Variants in METTL22 observed in about 807,000 individuals in gnomAD.
METTL22 encodes the protein methyltransferase 22, Kin17 lysine, also known as methyltransferase-like protein 22.
METTL22 carries 51 observed loss-of-function variants against 48.4 expected under a neutral mutation model. The observed-to-expected ratio is 1.05, with a 90% CI of 0.84 to 1.33. METTL22 has a LOEUF of 1.33. METTL22 is among the 40% of genes most tolerant of loss of function. The pLI, the probability that METTL22 is intolerant of heterozygous loss-of-function variation, is 0.00. For synonymous variants in METTL22, 255 were observed against 214.1 expected, an observed-to-expected ratio of 1.19 and a Z score of -1.67; for missense variants, 678 against 526.9, an observed-to-expected ratio of 1.29 and a Z score of -2.81.
intron 7 of METTL22, chr16:8,641,782 G>T (rs1043237658): frequency 2.2e-6 from 1 of 445,104 alleles, no homozygotes. Flanking sequence ...CCCTTTCTGT[G>T]AGTGCAAAAC....
chr16:8,660,519 G>T, the METTL22 span, among the ~76,000 whole-genome samples: 1 of 151,872 alleles, frequency 6.6e-6, no homozygotes, highest in African/African-American at 2.4e-5. Context: ...CTACTTCCTA[G>T]AAGAATCCCT....
chr16:8,656,076 G>T, the METTL22 span, among the ~76,000 whole-genome samples: 1 of 152,168 alleles, frequency 6.6e-6, no homozygotes, highest in African/African-American at 2.4e-5. Context: ...GCAGGTTTTT[G>T]TTGTTGTTGT....
intron 1 of METTL22, chr16:8,623,514 G>C (rs2055933637): frequency 1.3e-5 from 2 of 152,156 alleles, no homozygotes; most frequent in African/African-American, 4.8e-5. Context: ...GGTATAAGCT[G>C]TATTTTCTCT....
At chr16:8,629,451 T>G (rs998912817) in intron 3 of METTL22, among the ~76,000 whole-genome samples, 2 of 152,184 alleles carry the variant, frequency 1.3e-5, no homozygotes, top group Non-Finnish European at 2.9e-5. Flanking sequence ...CTCCCACATC[T>G]GTGCTCTTGC....
At chr16:8,660,318 C>G in the METTL22 span, among the ~76,000 whole-genome samples, 2 of 151,934 alleles carry the variant, frequency 1.3e-5, no homozygotes, top group Admixed American at 6.6e-5. Context: ...GAACTACAAG[C>G]GCACACCACC....
the METTL22 span, among the ~76,000 whole-genome samples, chr16:8,656,097 G>C: frequency 6.6e-6 from 1 of 152,166 alleles, no homozygotes; most frequent in East Asian, 1.9e-4. Flanking sequence ...TTTAGAGACA[G>C]GTCTCGCCAT....
the METTL22 span, among the ~76,000 whole-genome samples, chr16:8,664,416 G>A: frequency 6.6e-6 from 1 of 151,866 alleles, no homozygotes; most frequent in South Asian, 2.1e-4. Context: ...AAAGTGTTGG[G>A]ATTACAGTGT....
intron 5 of METTL22, among the ~76,000 whole-genome samples, chr16:8,638,142 G>A (rs1277103448): frequency 2.0e-5 from 3 of 152,160 alleles, no homozygotes; most frequent in African/African-American, 4.8e-5. Context: ...GCGAAACTCC[G>A]TTTCCAAAAA....
chr16:8,628,852 G>A lies in METTL22; in HGVS notation c.256G>A (p.Gly86Arg), dbSNP rs752329634. 6.2e-7 allele frequency: 1 copy of A among 1,614,186 alleles called. No homozygotes were observed. Among genetic ancestry groups the A allele is most frequent in the African/African-American group, 1.3e-5 (1 of 75,056 alleles). ...EPPSAETGSTGSPPGSGHGNE... is the reference protein window; with the variant it reads ...EPPSAETGSTRSPPGSGHGNE... The stretch of plus-strand genomic sequence containing the variant: ...TCCTTCTGCTGAGACAGGCAGCACA[G>A]GGTCCCCTCCAGGAAGTGGCCATGG... Residue 86 changes from glycine to arginine, a missense_variant, in exon 3 of 11, where the codon GGG becomes AGG. Physicochemically the swap from Gly to Arg is moderately radical, Grantham distance 125 (BLOSUM62 -2). Coordinates refer to ENST00000381920, the MANE Select transcript of METTL22 (RefSeq NM_024109.4).
At position 8,628,975 on chromosome 16, in the gene METTL22, A is replaced by C. The variant is rs2056160223; in HGVS notation, c.379A>C (p.Arg127=). 1.9e-6 allele frequency: 3 copies of C among 1,613,952 alleles called. No homozygotes were observed. Among genetic ancestry groups the C allele is most frequent in the Non-Finnish European group, 2.5e-6 (3 of 1,180,046 alleles). The stretch of plus-strand genomic sequence containing the variant: ...GGATGGGGATTTGGACGTGGTGAGA[A>C]GACCACGAGCCGCCTCTGATTCCAA... The part of the protein sequence containing the change: ...DEDGDLDVVR[R]PRAASDSNPA... Residue 127 remains arginine, a synonymous_variant, in exon 3 of 11, where the codon AGA becomes CGA. Coordinates refer to ENST00000381920, the MANE Select transcript of METTL22 (RefSeq NM_024109.4).
Position 8,644,646 on chromosome 16 carries a change from A to G in METTL22, c.1100A>G (p.Asp367Gly). 1 of 1,606,986 alleles carries G rather than the reference A, an allele frequency of 6.2e-7. No homozygotes were observed. Among genetic ancestry groups the G allele is most frequent in the South Asian group, 1.1e-5 (1 of 89,576 alleles). The change falls in exon 10 of 11, where the codon GAT becomes GGT. Residue 367 changes from aspartate to glycine, a missense_variant. By Grantham distance (94) the Asp-to-Gly change is moderately conservative. Transcript: ENST00000381920. ...CTGCACGCGCTGGAGCAGCTCGCAG[A>G]TGGCAAGCTGCGCTTCGTGGTGGAG... is the stretch of plus-strand genomic sequence containing the variant. Reference protein sequence around the residue: ...SCLHALEQLADGKLRFVVEPV... With the variant: ...SCLHALEQLAGGKLRFVVEPV...
At chr16:8,658,107 G>A in the METTL22 span, among the ~76,000 whole-genome samples, 479 of 152,240 alleles carry the variant, frequency 3.1e-3, 7 homozygotes, top group Non-Finnish European at 3.9e-3. Context: ...ATGAGCCACC[G>A]TGCTCTGCCC....
rs2056850252 is a variant in METTL22, at chr16:8,648,896, CT to C, written c.*2754del. ...ACAGTAGTTTGAGAAGCTCTGGGGC[CT>C]ACCACATAGCCCTCAACCTATTGCT... On this transcript the variant is annotated 3_prime_UTR_variant, in exon 11 of 11. Transcript: ENST00000381920. The C allele has an allele frequency of 6.6e-6, 1 of 152,250 alleles. No homozygotes were observed. Among genetic ancestry groups the C allele is most frequent in the Admixed American group, 6.5e-5 (1 of 15,292 alleles). 9.4% of individuals were successfully genotyped at this position (152,250 alleles called of 1,614,324 possible). A position where few individuals can be genotyped will look rare whatever the true frequency, so the allele number is the denominator to read the frequency against.
chr16:8,628,160 A>G (rs1283877274), intron 2 of METTL22, among the ~76,000 whole-genome samples: 1 of 152,214 alleles, frequency 6.6e-6, no homozygotes, highest in Non-Finnish European at 1.5e-5. Context: ...CACAGCCTGT[A>G]ATTATCTTGT....
chr16:8,642,385 G>C, intron 8 of METTL22, 78 bp from the exon 9 acceptor site: 1 of 1,386,970 alleles, frequency 7.2e-7, no homozygotes, highest in Non-Finnish European at 1.0e-6. Context: ...CATTCTCTCT[G>C]TGCGGATTGC....
chr16:8,640,946 G>GGATGGATGGA (rs1332913099), intron 6 of METTL22, among the ~76,000 whole-genome samples, 185 bp from the exon 7 acceptor site: 748 of 35,244 alleles, frequency 0.021, 81 homozygotes, highest in South Asian at 0.052. Flanking sequence ...GGATGGATGG[G>GGATGGATGGA]TGGGTGGATG....
intron 3 of METTL22, chr16:8,632,129 T>C (rs558883555): frequency 6.6e-6 from 1 of 152,056 alleles, no homozygotes; most frequent in African/African-American, 2.4e-5. Context: ...GAAAGGAGAG[T>C]GCCCTTAAGG....
the METTL22 span, among the ~76,000 whole-genome samples, chr16:8,662,208 C>T: frequency 6.9e-6 from 1 of 145,574 alleles, no homozygotes; most frequent in African/African-American, 2.6e-5. Flanking sequence ...CACCACTGCA[C>T]TCCCGCCTGG....
intron 5 of METTL22, among the ~76,000 whole-genome samples, chr16:8,635,749 C>A (rs1290952089): frequency 1.3e-5 from 2 of 152,192 alleles, no homozygotes; most frequent in Non-Finnish European, 1.5e-5. Flanking sequence ...ATTTTACAAT[C>A]CCTAGATTGA....
Sources: allele counts gnomAD v4.1 joint callset (sites outside exome capture counted in the v4.1 genomes callset), GRCh38; gene constraint gnomAD v4.1.1; transcripts MANE v1.5; gene names NCBI Gene and HGNC (gene_info 2026-07-23, HGNC 2026-07-21).